SLC7A10: variants seen among roughly 807,000 people sequenced by gnomAD.
The protein encoded by SLC7A10 is solute carrier family 7 member 10.
In SLC7A10, 30 loss-of-function variants were observed where a neutral mutation model predicts 52.7. That is an observed-to-expected ratio of 0.57 (90% confidence interval 0.43 to 0.77). The LOEUF (loss-of-function observed/expected upper bound fraction) is 0.77. SLC7A10 is among the 30% of genes least tolerant of loss of function. SLC7A10 has a pLI of 0.00. For missense variants in SLC7A10, 581 were observed against 698.5 expected (o/e 0.83, Z 1.90); for synonymous variants, 318 against 314.9 (o/e 1.01, Z -0.10).
rs1422194627 is a variant in SLC7A10, at chr19:33,210,760, C to A, written c.1113+42G>T. 3.1e-6 allele frequency: 5 copies of A among 1,610,628 alleles called. No homozygotes were observed. Among genetic ancestry groups the A allele is most frequent in the Non-Finnish European group, 3.4e-6 (4 of 1,177,934 alleles). On this transcript the variant is annotated intron_variant, in intron 8 of 10. Transcript: ENST00000253188. The surrounding 1 kb of genome is among the most constrained non-coding windows in gnomAD (Gnocchi z 5.6). ...CGGAAGGTCCTGCATTGCCGGGTAG[C>A]CCTGCCTCCACGCCCTGCCTGGCCC...
intron 5 of SLC7A10, chr19:33,211,751 G>A: frequency 1.2e-6 from 1 of 862,754 alleles, no homozygotes; most frequent in Non-Finnish European, 1.7e-6. Flanking sequence ...ATGGGAGATG[G>A]GGGAGGGGCC....
At position 33,212,928 on chromosome 19, in the gene SLC7A10, T is replaced by G; in HGVS notation, c.431A>C (p.Asn144Thr). The G allele has an allele frequency of 6.2e-7, 1 of 1,614,056 alleles. No individual in the cohort carries two copies. The highest frequency in any genetic ancestry group is 1.3e-5 in the African/African-American group (1 of 75,024). Residue 144 changes from asparagine to threonine, a missense_variant, in exon 3 of 11, where the codon AAC becomes ACC. Coordinates refer to ENST00000253188, the MANE Select transcript of SLC7A10 (RefSeq NM_019849.3). ...GGGGAACACGGGCTGCAGCACGTAG[T>G]TGGAGAAGGTCATGGAGATGACAGC... is the stretch of plus-strand genomic sequence containing the variant. ...SLAVISMTFS[N>T]YVLQPVFPNC... is the part of the protein sequence containing the mutation.
At chr19:33,220,286 C>T (rs925944917) in intron 1 of SLC7A10, 2 of 152,208 alleles carry the variant, frequency 1.3e-5, no homozygotes, top group South Asian at 2.1e-4. Context: ...CTCTCCGGCT[C>T]GTTCGGCTCA....
At chr19:33,211,771 C>T (rs1974559998) in intron 5 of SLC7A10, 1 of 647,842 alleles carries the variant, frequency 1.5e-6, no homozygotes, top group Non-Finnish European at 2.6e-6. Context: ...CCCATCACAT[C>T]CTGAGGACAG....
chr19:33,212,614 G>C lies in SLC7A10; in HGVS notation c.534C>G (p.Ser178=). The change falls in exon 4 of 11, where the codon TCC becomes TCG. Residue 178 remains serine (S), a synonymous_variant. Transcript: ENST00000253188. The part of the protein sequence containing the change: ...CLMLLTWVNS[S]SVRWATRIQD... ...GGATGCGCGTGGCCCAGCGCACACTGGAGCTGTTCACCCATGTCAGGAGCA... is the reference window on the plus strand; with the variant it reads ...GGATGCGCGTGGCCCAGCGCACACTCGAGCTGTTCACCCATGTCAGGAGCA... 1 of 1,613,840 alleles carries C rather than the reference G, an allele frequency of 6.2e-7. No individual in the cohort carries two copies. Among genetic ancestry groups the C allele is most frequent in the Non-Finnish European group, 8.5e-7 (1 of 1,180,052 alleles).
At chr19:33,217,389 G>A (rs1305328388) in intron 1 of SLC7A10, among the ~76,000 whole-genome samples, 4 of 152,210 alleles carry the variant, frequency 2.6e-5, no homozygotes, top group Non-Finnish European at 5.9e-5. Context: ...GGATGAGCAA[G>A]ACTCTGAGTG....
rs1342853244 is a variant in SLC7A10, at chr19:33,208,989, AAC to A, written c.1472_1473del (p.Cys491PhefsTer37). 2 of 1,613,816 alleles carry A rather than the reference AAC, an allele frequency of 1.2e-6. No individual in the cohort carries two copies. Among genetic ancestry groups the A allele is most frequent in the South Asian group, 1.1e-5 (1 of 91,056 alleles). ...GGGGCGTCCTGGGGGTAGACCACGA[AAC>A]ACAGCTCCTGGCCCCAGTGTGTCAT... ...ESMTHWGQEL[C>X]FVVYPQDAPE... On this transcript the variant is annotated frameshift_variant, in exon 11 of 11. Transcript: ENST00000253188. LOFTEE classifies it high-confidence loss of function. The surrounding 1 kb of genome is among the most constrained non-coding windows in gnomAD (Gnocchi z 4.7).
chr19:33,216,050 G>A (rs1974675681), intron 1 of SLC7A10, 77 bp from the exon 2 acceptor site: 4 of 1,335,950 alleles, frequency 3.0e-6, no homozygotes, highest in Non-Finnish European at 3.0e-6. Context: ...GGATCTGCCT[G>A]CTGCCAGGAG....
chr19:33,215,631 C>CCCCCCCACCTTCTCTCCATCCAG, intron 2 of SLC7A10, 138 bp downstream of exon 2: 6 of 444,174 alleles, frequency 1.4e-5, no homozygotes, highest in South Asian at 4.6e-5. Context: ...TCTCCATCCA[C>CCCCCCCACCTTCTCTCCATCCAG]CCCCCACACC....
intron 1 of SLC7A10, among the ~76,000 whole-genome samples, 161 bp downstream of exon 1, chr19:33,225,392 A>G (rs1974900029): frequency 6.6e-6 from 1 of 152,178 alleles, no homozygotes; most frequent in Admixed American, 6.5e-5. Context: ...CTGGGCCAGC[A>G]GCCCCTGACC....
At chr19:33,211,983 C>CATAT (rs1344022925) in intron 5 of SLC7A10, 1 of 518,490 alleles carries the variant, frequency 1.9e-6, no homozygotes, top group South Asian at 2.1e-5. Context: ...TTGTAGGGAC[C>CATAT]ATATTGTGTG....
At chr19:33,214,746 C>T (rs1277070177) in intron 2 of SLC7A10, among the ~76,000 whole-genome samples, 1 of 152,238 alleles carries the variant, frequency 6.6e-6, no homozygotes, top group South Asian at 2.1e-4. Context: ...CCCTAGATGG[C>T]GCACACCGTT....
intron 1 of SLC7A10, among the ~76,000 whole-genome samples, chr19:33,216,657 C>T (rs985232495): frequency 3.3e-5 from 5 of 152,004 alleles, no homozygotes; most frequent in East Asian, 1.9e-4. Flanking sequence ...CTTTCCTTCC[C>T]TCCGCTTCCT....
intron 1 of SLC7A10, among the ~76,000 whole-genome samples, chr19:33,224,931 C>T (rs1159597701): frequency 1.3e-5 from 2 of 152,210 alleles, no homozygotes; most frequent in African/African-American, 4.8e-5. Flanking sequence ...CTGGGTCTGC[C>T]CACTGCTGCC....
chr19:33,211,471 A>G lies in SLC7A10; in HGVS notation c.855T>C (p.Ile285=), dbSNP rs1290703736. The G allele has an allele frequency of 6.2e-7, 1 of 1,614,002 alleles. No individual in the cohort carries two copies. Among genetic ancestry groups the G allele is most frequent in the Non-Finnish European group, 8.5e-7 (1 of 1,179,990 alleles). Residue 285 remains isoleucine, a synonymous_variant, in exon 6 of 11, where the codon ATT becomes ATC. Transcript: ENST00000253188. ...LVTFVYTFTN[I]AYFTAMSPQE... is the part of the protein sequence containing the mutation. ...GGGGGGACATGGCCGTGAAGTAGGC[A>G]ATGTTGGTGAACGTGTACACGAAGG...
chr19:33,209,794 A>G (rs1974501607), intron 9 of SLC7A10, among the ~76,000 whole-genome samples: 1 of 152,168 alleles, frequency 6.6e-6, no homozygotes, highest in South Asian at 2.1e-4. Context: ...TTCACATTTC[A>G]GGCACTGAGC....
chr19:33,209,148 CTT>C (rs1296452496), intron 10 of SLC7A10, 127 bp from the exon 11 acceptor site: 6 of 1,544,638 alleles, frequency 3.9e-6, no homozygotes, highest in Non-Finnish European at 5.3e-6. Flanking sequence ...GTTCTGGAAA[CTT>C]TGGGTACATC....
At chr19:33,221,468 G>A (rs114675934) in intron 1 of SLC7A10, among the ~76,000 whole-genome samples, 2,925 of 152,264 alleles carry the variant, frequency 0.019, 87 homozygotes, top group African/African-American at 0.059. Context: ...CTTCCCTTGG[G>A]GTCCTGGAGC....
At chr19:33,219,015 C>T (rs73575748) in intron 1 of SLC7A10, among the ~76,000 whole-genome samples, 14 of 151,956 alleles carry the variant, frequency 9.2e-5, no homozygotes, top group African/African-American at 1.9e-4. Flanking sequence ...TGAGGGGGCA[C>T]GGGATGGGCC....
Sources: allele counts gnomAD v4.1 joint callset (sites outside exome capture counted in the v4.1 genomes callset), GRCh38; gene constraint gnomAD v4.1.1; non-coding constraint Gnocchi (gnomAD v3.1); transcripts MANE v1.5; gene names NCBI Gene and HGNC (gene_info 2026-07-23, HGNC 2026-07-21).